Variants in TAFA5 observed in about 807,000 individuals in gnomAD.
TAFA5 encodes chemokine-like protein TAFA-5.
A neutral mutation model predicts 15.3 loss-of-function variants in TAFA5; 6 were observed. The ratio of observed to expected loss-of-function variants is 0.39; its 90% confidence interval spans 0.21 to 0.77. TAFA5 has a LOEUF of 0.77. Ranked by LOEUF, TAFA5 falls within the 30% of genes least tolerant of loss-of-function variation. TAFA5 has a pLI of 0.41. For synonymous variants in TAFA5, 103 were observed against 80.7 expected, an observed-to-expected ratio of 1.28 and a Z score of -1.48; for missense variants, 161 against 193.1, an observed-to-expected ratio of 0.83 and a Z score of 0.98.
chr22:48,501,261 C>T (rs765406743), intron 1 of TAFA5, among the ~76,000 whole-genome samples: 19 of 152,228 alleles, frequency 1.2e-4, no homozygotes, highest in African/African-American at 2.2e-4. Flanking sequence ...TCCCGGGCAC[C>T]GGGCACCTTG....
At position 48,742,103 on chromosome 22, in the gene TAFA5, TGCCA is replaced by T. The variant is rs1930197178; in HGVS notation, c.391-7734_391-7731del. Among the ~76,000 whole-genome samples, 1 of 152,152 alleles carries T rather than the reference TGCCA, an allele frequency of 6.6e-6. No homozygotes were observed. The highest frequency in any genetic ancestry group is 1.5e-5 in the Non-Finnish European group (1 of 68,008). The stretch of plus-strand genomic sequence containing the variant: ...GGAGGCTGTGGGAGGTCGGGGCACC[TGCCA>T]GGCTCTGGAGGGGTCTGGCTGCACC... On this transcript the variant is annotated intron_variant, in intron 3 of 3. Coordinates refer to ENST00000402357, the MANE Select transcript of TAFA5 (RefSeq NM_001082967.3). The surrounding 1 kb of genome is among the most constrained non-coding windows in gnomAD (Gnocchi z 6.2).
At position 48,547,960 on chromosome 22, in the gene TAFA5, G is replaced by A. The variant is rs780766834; in HGVS notation, c.112+58256G>A. On this transcript the variant is annotated intron_variant, in intron 1 of 3. Coordinates refer to ENST00000402357, the MANE Select transcript of TAFA5 (RefSeq NM_001082967.3). ...CGGTCTTCACTGAGAACCTACCCTC[G>A]AGCCCTGGCCCTGTCCTCCAGCCCC... Among the ~76,000 whole-genome samples, 6 of 152,294 alleles carry A rather than the reference G, an allele frequency of 3.9e-5. No individual in the cohort carries two copies. The East Asian group carries it at 7.7e-4, about 20-fold the overall frequency.
chr22:48,591,117 C>A (rs1292181483), intron 1 of TAFA5, among the ~76,000 whole-genome samples: 1 of 152,162 alleles, frequency 6.6e-6, no homozygotes, highest in African/African-American at 2.4e-5. Context: ...CTCCCAAAGT[C>A]ATGATTTGTT....
At chr22:48,599,547 C>A (rs1450025632) in intron 1 of TAFA5, among the ~76,000 whole-genome samples, 1 of 152,214 alleles carries the variant, frequency 6.6e-6, no homozygotes, top group Non-Finnish European at 1.5e-5. Context: ...CAGGGCAGAA[C>A]CAGCATCCCT....
At chr22:48,492,130 C>T (rs1334452516) in intron 1 of TAFA5, among the ~76,000 whole-genome samples, 1 of 149,254 alleles carries the variant, frequency 6.7e-6, no homozygotes, top group African/African-American at 2.5e-5. Context: ...AAAAAAATCC[C>T]CCCCCCTTTT....
intron 3 of TAFA5, among the ~76,000 whole-genome samples, chr22:48,732,401 C>T (rs130210): frequency 0.63 from 94,969 of 151,394 alleles, 30,780 homozygotes; most frequent in Non-Finnish European, 0.7. Flanking sequence ...GGTCTACAGG[C>T]GCCCGCCACC....
chr22:48,571,130 A>G (rs1030182638), intron 1 of TAFA5, among the ~76,000 whole-genome samples: 6 of 152,204 alleles, frequency 3.9e-5, no homozygotes, highest in African/African-American at 1.4e-4. Context: ...TTAGCTGGGT[A>G]TAAAATTCTA....
intron 1 of TAFA5, among the ~76,000 whole-genome samples, chr22:48,594,413 A>G (rs977611689): frequency 3.3e-5 from 5 of 152,220 alleles, no homozygotes; most frequent in Admixed American, 1.3e-4. Flanking sequence ...TCCGAGGCAC[A>G]CACACACGAG....
At chr22:48,613,298 G>A (rs76790606) in intron 1 of TAFA5, among the ~76,000 whole-genome samples, 72 of 152,128 alleles carry the variant, frequency 4.7e-4, no homozygotes, top group African/African-American at 1.1e-3. Flanking sequence ...CTCCTGAGCC[G>A]TCCCTAGCAC....
chr22:48,571,415 C>T (rs1199846359), intron 1 of TAFA5, among the ~76,000 whole-genome samples: 3 of 151,068 alleles, frequency 2.0e-5, no homozygotes, highest in Non-Finnish European at 2.9e-5. Flanking sequence ...CCTGGGATTA[C>T]AGGCACCCAC....
Position 48,489,816 on chromosome 22 carries a change from G to GCCGGGCGCATGGTCCCCCGAGTC in TAFA5, c.112+117_112+139dup, listed in dbSNP as rs1299362589. 1.2e-5 allele frequency: 7 copies of GCCGGGCGCATGGTCCCCCGAGTC among 568,238 alleles called. No individual in the cohort carries two copies. In the African/African-American group the frequency reaches 1.4e-4, roughly 11 times the overall value. The allele number at this position is 568,238 out of a possible 1,614,324, so 35.2% of individuals were successfully genotyped here. A position where few individuals can be genotyped will look rare whatever the true frequency, so the allele number is the denominator to read the frequency against. On this transcript the variant is annotated intron_variant, in intron 1 of 3. Coordinates refer to ENST00000402357, the MANE Select transcript of TAFA5 (RefSeq NM_001082967.3). The surrounding 1 kb of genome is among the most constrained non-coding windows in gnomAD (Gnocchi z 5.5). ...CCGGAGTCGGCGCGGAGTTACGAGC[G>GCCGGGCGCATGGTCCCCCGAGTC]CCGGGCGCATGGTCCCCCGAGTCCC...
chr22:48,580,097 C>G (rs546440133), intron 1 of TAFA5, among the ~76,000 whole-genome samples: 2 of 152,322 alleles, frequency 1.3e-5, no homozygotes, highest in African/African-American at 4.8e-5. Flanking sequence ...TCCAGAAGCG[C>G]TTTCAGAACC....
intron 2 of TAFA5, among the ~76,000 whole-genome samples, chr22:48,680,787 A>G (rs1305866125): frequency 1.3e-5 from 2 of 152,256 alleles, no homozygotes; most frequent in Non-Finnish European, 1.5e-5. Flanking sequence ...CCTTGGGAGC[A>G]CAGTGCTGCA....
rs1224380680 is a variant in TAFA5, at chr22:48,678,863, C to T, written c.263-28854C>T. ...ATGTTGGAAGCCTGTCTCTGAGTTC[C>T]GGTGCCAGGGCACCGTCCCGGCTCC... On this transcript the variant is annotated intron_variant, in intron 2 of 3. Coordinates refer to ENST00000402357, the MANE Select transcript of TAFA5 (RefSeq NM_001082967.3). 3.1e-5 allele frequency among the ~76,000 whole-genome samples: 4 copies of T among 128,614 alleles called. No homozygotes were observed. In the Admixed American group the frequency reaches 3.3e-4, roughly 11 times the overall value. 84.4% of individuals were successfully genotyped at this position (128,614 alleles called of 152,430 possible).
At chr22:48,591,809 G>T (rs866969902) in intron 1 of TAFA5, among the ~76,000 whole-genome samples, 1 of 152,146 alleles carries the variant, frequency 6.6e-6, no homozygotes, top group Non-Finnish European at 1.5e-5. Flanking sequence ...CTGGGCTCGC[G>T]GAAGCCCACG....
chr22:48,490,651 G>A lies in TAFA5; in HGVS notation c.112+947G>A, dbSNP rs1928117245. ...CTCTGGCCCCAGATGGCGCGGGCTGGTCGGCTTCAGCTCCGGGAGCTCCGG... is the reference window on the plus strand; with the variant it reads ...CTCTGGCCCCAGATGGCGCGGGCTGATCGGCTTCAGCTCCGGGAGCTCCGG... On this transcript the variant is annotated intron_variant, in intron 1 of 3. Transcript: ENST00000402357. This position sits in a 1 kb window ranked among gnomAD's most constrained non-coding sequence, Gnocchi z 5.8. 1.3e-5 allele frequency among the ~76,000 whole-genome samples: 2 copies of A among 151,948 alleles called. No individual in the cohort carries two copies. The highest frequency in any genetic ancestry group is 4.8e-5 in the African/African-American group (2 of 41,374).
intron 1 of TAFA5, among the ~76,000 whole-genome samples, chr22:48,637,736 T>G (rs1601633305): frequency 6.6e-6 from 1 of 151,364 alleles, no homozygotes. Flanking sequence ...CGAGGCAGAG[T>G]AGAACTCACA....
In TAFA5 at chr22:48,502,173, T is replaced by C. The variant is rs546946815; in HGVS notation, c.112+12469T>C. The stretch of plus-strand genomic sequence containing the variant: ...TTACTTATTTCTTTTTAAAAATCCA[T>C]TGGATAACAAGAAGACTGAGGAGTC... On this transcript the variant is annotated intron_variant, in intron 1 of 3. Coordinates refer to ENST00000402357, the MANE Select transcript of TAFA5 (RefSeq NM_001082967.3). Among the ~76,000 whole-genome samples the C allele has an allele frequency of 3.2e-3, 494 of 152,256 alleles. 3 individuals carry two copies. Among genetic ancestry groups the C allele is most frequent in the Non-Finnish European group, 5.2e-3 (352 of 68,032 alleles).
chr22:48,738,750 G>A (rs1243466683), intron 3 of TAFA5, among the ~76,000 whole-genome samples: 5 of 152,228 alleles, frequency 3.3e-5, no homozygotes, highest in South Asian at 2.1e-4. Context: ...CCAGGCAGCC[G>A]CTGGGTCAGC....
Sources: allele counts gnomAD v4.1 joint callset (sites outside exome capture counted in the v4.1 genomes callset), GRCh38; gene constraint gnomAD v4.1.1; non-coding constraint Gnocchi (gnomAD v3.1); transcripts MANE v1.5; gene names NCBI Gene and HGNC (gene_info 2026-07-23, HGNC 2026-07-21).